WWOX: variants seen among roughly 807,000 people sequenced by gnomAD.
WWOX encodes WW domain-containing oxidoreductase.
WWOX carries 69 observed loss-of-function variants against 46.2 expected under a neutral mutation model. That is an observed-to-expected ratio of 1.49 (90% CI 1.23 to 1.82). The LOEUF is 1.82. Among genes scored for constraint, WWOX ranks in the 40% most tolerant of loss-of-function variants. WWOX has a pLI of 0.00. For missense variants in WWOX, 919 were observed against 542.6 expected (o/e 1.69, Z -6.89); for synonymous variants, 359 against 202.6 (o/e 1.77, Z -6.56).
At chr16:79,206,898 C>G (rs1386412801) in intron 8 of WWOX, among the ~76,000 whole-genome samples, 2 of 152,138 alleles carry the variant, frequency 1.3e-5, no homozygotes, top group South Asian at 2.1e-4. Context: ...AAAGATTGCT[C>G]TTGGATAGTG....
chr16:79,074,498 G>A (rs763433561), intron 8 of WWOX, among the ~76,000 whole-genome samples: 1 of 145,742 alleles, frequency 6.9e-6, no homozygotes, highest in Non-Finnish European at 1.5e-5. Context: ...GCAGTGTGGG[G>A]GAATGGAGAG....
chr16:78,321,382 GTA>G (rs577417320), intron 5 of WWOX, among the ~76,000 whole-genome samples: 7 of 79,654 alleles, frequency 8.8e-5, no homozygotes, highest in Admixed American at 1.4e-4. Context: ...GTATATATGC[GTA>G]TATATATACG....
intron 8 of WWOX, chr16:79,206,062 C>G (rs1035356590): frequency 2.0e-5 from 3 of 152,186 alleles, no homozygotes; most frequent in Admixed American, 6.5e-5. Flanking sequence ...GAAGGGGGTG[C>G]TGAGTCTTCA....
At chr16:78,258,859 T>C (rs1413657925) in intron 5 of WWOX, among the ~76,000 whole-genome samples, 1 of 151,848 alleles carries the variant, frequency 6.6e-6, no homozygotes, top group African/African-American at 2.4e-5. Flanking sequence ...AGTTAGAACA[T>C]AACGACTTGC....
chr16:78,640,289 A>T (rs1444605562), intron 8 of WWOX, among the ~76,000 whole-genome samples: 1 of 120,480 alleles, frequency 8.3e-6, no homozygotes, highest in Non-Finnish European at 1.6e-5. Flanking sequence ...TAGCGAATGG[A>T]TACTATTGAA....
At chr16:78,478,507 A>G (rs2084407546) in intron 8 of WWOX, among the ~76,000 whole-genome samples, 1 of 152,174 alleles carries the variant, frequency 6.6e-6, no homozygotes, top group Admixed American at 6.5e-5. Context: ...GCCAGGTGTA[A>G]CACACTAAGA....
chr16:78,436,767 C>G (rs74030239), intron 8 of WWOX, among the ~76,000 whole-genome samples: 1,789 of 152,114 alleles, frequency 0.012, 31 homozygotes, highest in African/African-American at 0.04. Context: ...TGGTCATTTT[C>G]CTAGTAAGAT....
intron 8 of WWOX, among the ~76,000 whole-genome samples, chr16:78,443,867 T>C (rs550512917): frequency 3.9e-5 from 6 of 152,326 alleles, no homozygotes; most frequent in African/African-American, 1.2e-4. Flanking sequence ...AATTTCATAC[T>C]TATTTCCAGT....
chr16:78,822,856 T>C (rs376258970), intron 8 of WWOX, among the ~76,000 whole-genome samples: 2 of 151,526 alleles, frequency 1.3e-5, no homozygotes, highest in East Asian at 3.9e-4. Flanking sequence ...CATTTGTAAA[T>C]TAGGGAGGAA....
intron 8 of WWOX, among the ~76,000 whole-genome samples, chr16:78,974,594 T>G: frequency 6.6e-6 from 1 of 152,218 alleles, no homozygotes; most frequent in South Asian, 2.1e-4. Flanking sequence ...TTCAGTTTTG[T>G]TTTTTATTTA....
intron 8 of WWOX, among the ~76,000 whole-genome samples, chr16:78,783,342 G>C (rs938662397): frequency 6.6e-6 from 1 of 152,210 alleles, no homozygotes; most frequent in South Asian, 2.1e-4. Context: ...GACAGGCTTG[G>C]GCTGATGGAG....
intron 8 of WWOX, among the ~76,000 whole-genome samples, chr16:79,075,903 A>T (rs2048647226): frequency 6.6e-6 from 1 of 152,128 alleles, no homozygotes; most frequent in Non-Finnish European, 1.5e-5. Context: ...GTTGCTTTTG[A>T]CTGTAAAGGG....
At chr16:78,695,069 G>T (rs1345119209) in intron 8 of WWOX, among the ~76,000 whole-genome samples, 2 of 152,102 alleles carry the variant, frequency 1.3e-5, no homozygotes, top group Non-Finnish European at 2.9e-5. Context: ...AAATATTATT[G>T]ATCTAGACTG....
In WWOX at chr16:78,209,050, A is replaced by G. The variant is rs958394404; in HGVS notation, c.516+44761A>G. The stretch of plus-strand genomic sequence containing the variant: ...AATGCTTGTATTTGAATGTATATAC[A>G]TATGCATATTTATGTGTAATGTCTA... On this transcript the variant is annotated intron_variant, in intron 5 of 8. Coordinates refer to ENST00000566780, the MANE Select transcript of WWOX (RefSeq NM_016373.4). 2.6e-5 allele frequency among the ~76,000 whole-genome samples: 4 copies of G among 152,214 alleles called. No homozygotes were observed. In the South Asian group the frequency reaches 6.2e-4, roughly 24 times the overall value.
intron 8 of WWOX, among the ~76,000 whole-genome samples, chr16:78,916,230 C>G (rs562656494): frequency 6.6e-6 from 1 of 152,332 alleles, no homozygotes; most frequent in Admixed American, 6.5e-5. Context: ...TGTTAACAAA[C>G]AAGTTTGCCG....
At chr16:78,537,686 C>A (rs369716026) in intron 8 of WWOX, among the ~76,000 whole-genome samples, 2 of 151,940 alleles carry the variant, frequency 1.3e-5, no homozygotes, top group Non-Finnish European at 2.9e-5. Context: ...GGAGTTAGAG[C>A]CAGGGTCCCA....
At chr16:78,504,290 G>C (rs1242294007) in intron 8 of WWOX, among the ~76,000 whole-genome samples, 7 of 152,122 alleles carry the variant, frequency 4.6e-5, no homozygotes, top group East Asian at 1.9e-4. Context: ...AGGGGGAAAA[G>C]GTTTAAAAAC....
intron 8 of WWOX, among the ~76,000 whole-genome samples, chr16:78,446,555 T>C (rs1363979019): frequency 6.6e-6 from 1 of 152,096 alleles, no homozygotes; most frequent in Non-Finnish European, 1.5e-5. Flanking sequence ...ATTATTGATA[T>C]TATAATTAAT....
At chr16:78,544,443 A>G (rs1386402717) in intron 8 of WWOX, among the ~76,000 whole-genome samples, 3 of 152,220 alleles carry the variant, frequency 2.0e-5, no homozygotes, top group South Asian at 2.1e-4. Flanking sequence ...CCTCATTTGC[A>G]GATGAGGAAA....
Sources: gnomAD v4.1 joint callset for allele counts (sites outside exome capture counted in the v4.1 genomes callset) on GRCh38, gnomAD v4.1.1 for gene constraint, MANE v1.5 for transcripts, NCBI Gene and HGNC (gene_info 2026-07-23, HGNC 2026-07-21) for gene names.